The following PDZD2 variants were observed in gnomAD, a reference collection of about 807,000 sequenced individuals.
The protein encoded by PDZD2 is PDZ domain-containing protein 2.
PDZD2 carries 90 observed loss-of-function variants against 220.7 expected under a neutral mutation model. That is an observed-to-expected ratio of 0.41 (90% CI 0.34 to 0.49). PDZD2 has a LOEUF of 0.49. Among genes scored for constraint, PDZD2 ranks in the 20% least tolerant of loss-of-function variants. The pLI is 0.28. For synonymous variants in PDZD2, 1,375 were observed against 1,450.5 expected (o/e 0.95, Z 1.18); for missense variants, 3,174 against 3,608.5 (o/e 0.88, Z 3.08).
At chr5:32,070,955 A>G (rs1740687629) in intron 15 of PDZD2, among the ~76,000 whole-genome samples, 1 of 152,182 alleles carries the variant, frequency 6.6e-6, no homozygotes, top group Admixed American at 6.5e-5. Flanking sequence ...CTGGGCAACA[A>G]GAGTCCAACT....
rs555473742 is a variant in PDZD2, at chr5:31,795,902, C to T, written c.-360-2987C>T. On this transcript the variant is annotated intron_variant, in intron 1 of 24. Coordinates refer to ENST00000438447, the MANE Select transcript of PDZD2 (RefSeq NM_178140.4). ...ATTGAAAGGCTGTGTAGCCCATGGACACCTAAGAATAAGACTAAGTGTCTT... is the reference window on the plus strand; with the variant it reads ...ATTGAAAGGCTGTGTAGCCCATGGATACCTAAGAATAAGACTAAGTGTCTT... Among the ~76,000 whole-genome samples the T allele has an allele frequency of 8.5e-5, 13 of 152,282 alleles. No individual in the cohort carries two copies. The South Asian group carries it at 2.3e-3, about 27-fold the overall frequency.
intron 2 of PDZD2, among the ~76,000 whole-genome samples, chr5:31,945,116 G>C (rs568375878): frequency 4.6e-5 from 7 of 152,276 alleles, no homozygotes; most frequent in African/African-American, 1.7e-4. Context: ...AGAGTATCAG[G>C]GAGTAAAAAT....
At chr5:31,797,118 T>TTTC (rs1754092046) in intron 1 of PDZD2, among the ~76,000 whole-genome samples, 1 of 144,738 alleles carries the variant, frequency 6.9e-6, no homozygotes, top group African/African-American at 2.5e-5. Context: ...TTTTTTTTTT[T>TTTC]TTTTTTAGTA....
intron 1 of PDZD2, among the ~76,000 whole-genome samples, chr5:31,709,076 C>A (rs192591742): frequency 1.3e-5 from 2 of 151,738 alleles, no homozygotes; most frequent in African/African-American, 4.8e-5. Flanking sequence ...TTAGTAGAGA[C>A]GGGGTTTCAC....
intron 1 of PDZD2, among the ~76,000 whole-genome samples, chr5:31,747,276 G>A (rs966836880): frequency 7.9e-5 from 12 of 152,176 alleles, no homozygotes; most frequent in Admixed American, 5.2e-4. Context: ...CTTGGCTTTC[G>A]TGAAGCATGG....
chr5:31,969,509 CAAAAAAAAAAAAAAAA>C (rs56755290), intron 2 of PDZD2, among the ~76,000 whole-genome samples: 1 of 51,418 alleles, frequency 1.9e-5, no homozygotes, highest in Non-Finnish European at 3.1e-5. Context: ...GCCCCCTCTC[CAAAAAAAAAAAAAAAA>C]AAAAAAAAAA....
At chr5:31,665,407 C>A (rs1266064209) in intron 1 of PDZD2, among the ~76,000 whole-genome samples, 1 of 152,054 alleles carries the variant, frequency 6.6e-6, no homozygotes, top group Non-Finnish European at 1.5e-5. Context: ...AGCTTGTGTT[C>A]TGGTCTTTTA....
chr5:32,103,132 A>T (rs1744418910), intron 24 of PDZD2, among the ~76,000 whole-genome samples: 1 of 152,228 alleles, frequency 6.6e-6, no homozygotes, highest in Non-Finnish European at 1.5e-5. Flanking sequence ...GAATGAGAGG[A>T]AATATTTGCA....
At chr5:31,995,743 C>T in intron 4 of PDZD2, 25 bp downstream of exon 4, 1 of 1,604,672 alleles carries the variant, frequency 6.2e-7, no homozygotes, top group Non-Finnish European at 8.5e-7. Context: ...CTCCCCTCTC[C>T]CCCATCCCTC....
chr5:31,725,205 G>A (rs1337932882), intron 1 of PDZD2, among the ~76,000 whole-genome samples: 1 of 152,030 alleles, frequency 6.6e-6, no homozygotes. Context: ...AGGCGTGGTG[G>A]CACACGCCTG....
chr5:32,095,706 G>C (rs1364055276), intron 21 of PDZD2, among the ~76,000 whole-genome samples: 1 of 146,580 alleles, frequency 6.8e-6, no homozygotes, highest in Non-Finnish European at 1.5e-5. Context: ...TGGAATGCAG[G>C]AGGGCCTCAT....
chr5:31,916,114 T>G (rs1291648527), intron 2 of PDZD2, among the ~76,000 whole-genome samples: 1 of 152,184 alleles, frequency 6.6e-6, no homozygotes, highest in Non-Finnish European at 1.5e-5. Context: ...ACGCTGGAAT[T>G]TATTTTTCCA....
At chr5:32,024,489 T>C (rs1454080019) in intron 6 of PDZD2, among the ~76,000 whole-genome samples, 1 of 151,832 alleles carries the variant, frequency 6.6e-6, no homozygotes, top group African/African-American at 2.4e-5. Flanking sequence ...TTGAGACCAA[T>C]ATGGCCAACA....
intron 6 of PDZD2, among the ~76,000 whole-genome samples, chr5:32,021,654 T>C (rs1336256626): frequency 4.6e-5 from 7 of 152,182 alleles, no homozygotes; most frequent in South Asian, 2.1e-4. Context: ...CTTTCTCTGA[T>C]TGCCAGTCTT....
chr5:31,671,148 A>C (rs1258341615), intron 1 of PDZD2, among the ~76,000 whole-genome samples: 1 of 152,128 alleles, frequency 6.6e-6, no homozygotes. Flanking sequence ...AGGAACTCTC[A>C]GTCCTGTGGG....
intron 8 of PDZD2, among the ~76,000 whole-genome samples, chr5:32,050,187 T>C (rs1470705204): frequency 2.0e-5 from 3 of 152,090 alleles, no homozygotes; most frequent in African/African-American, 7.2e-5. Context: ...TGCCTCGGCC[T>C]CCCAAAGTGC....
At chr5:31,963,934 T>C (rs578148836) in intron 2 of PDZD2, among the ~76,000 whole-genome samples, 1 of 152,278 alleles carries the variant, frequency 6.6e-6, no homozygotes, top group East Asian at 1.9e-4. Flanking sequence ...CAATACGTCT[T>C]TGCCTCAAGG....
chr5:31,970,790 A>G (rs1288485046), intron 2 of PDZD2, among the ~76,000 whole-genome samples: 1 of 152,208 alleles, frequency 6.6e-6, no homozygotes, highest in Non-Finnish European at 1.5e-5. Context: ...AAGAATTTGA[A>G]TGTGCTTATG....
chr5:31,748,523 C>CGA (rs1405373817), intron 1 of PDZD2, among the ~76,000 whole-genome samples: 1 of 152,228 alleles, frequency 6.6e-6, no homozygotes, highest in African/African-American at 2.4e-5. Flanking sequence ...TCAGGCTCCT[C>CGA]TTCAGAGAAG....
Sources: allele counts gnomAD v4.1 joint callset (sites outside exome capture counted in the v4.1 genomes callset), GRCh38; gene constraint gnomAD v4.1.1; transcripts MANE v1.5; gene names NCBI Gene and HGNC (gene_info 2026-07-23, HGNC 2026-07-21).